The following SMARCC1 variants were observed in gnomAD, a reference collection of about 807,000 sequenced individuals.
SMARCC1 encodes the protein SWI/SNF complex subunit SMARCC1.
SMARCC1 carries 43 observed loss-of-function variants against 147.4 expected under a neutral mutation model. The observed-to-expected ratio is 0.29, with a 90% CI of 0.23 to 0.38. The LOEUF is 0.38. Ranked by LOEUF, SMARCC1 falls within the 10% of genes least tolerant of loss-of-function variation. SMARCC1 has a pLI of 1.00. For missense variants in SMARCC1, 1,119 were observed against 1,381.1 expected (o/e 0.81, Z 3.01); for synonymous variants, 495 against 484.4 (o/e 1.02, Z -0.29).
At chr3:47,694,614 C>CA (rs1292096495) in intron 11 of SMARCC1, among the ~76,000 whole-genome samples, 1 of 152,132 alleles carries the variant, frequency 6.6e-6, no homozygotes, top group Non-Finnish European at 1.5e-5. Flanking sequence ...ACAACAACAA[C>CA]AAAAAACCAC....
chr3:47,683,802 C>A (rs551504608), intron 14 of SMARCC1, among the ~76,000 whole-genome samples: 1 of 152,100 alleles, frequency 6.6e-6, no homozygotes, highest in African/African-American at 2.4e-5. Flanking sequence ...TGTAAAGGTA[C>A]CTTAAAGATG....
At chr3:47,711,207 C>T (rs1226470179) in intron 8 of SMARCC1, among the ~76,000 whole-genome samples, 3 of 152,256 alleles carry the variant, frequency 2.0e-5, no homozygotes, top group Non-Finnish European at 2.9e-5. Flanking sequence ...AGAGCACATT[C>T]GCAGAGGCCG....
chr3:47,638,629 T>G (rs12636863), intron 22 of SMARCC1, 96 bp downstream of exon 22: 1 of 796,044 alleles, frequency 1.3e-6, no homozygotes, highest in South Asian at 1.4e-5. Flanking sequence ...TAGAATTATT[T>G]AGAGTCCCCT....
rs138163124 is a variant in SMARCC1 at position 47,590,758 on chromosome 3, G to A, written c.3123C>T (p.Ile1041=). The A allele has an allele frequency of 2.7e-4, 436 of 1,604,518 alleles. 1 individual carries two copies. In the African/African-American group the frequency reaches 3.7e-3, roughly 14 times the overall value. Residue 1041 remains isoleucine (I), a synonymous_variant, in exon 27 of 28, where the codon ATC becomes ATT. Coordinates refer to ENST00000254480, the MANE Select transcript of SMARCC1 (RefSeq NM_003074.4). ...GGGTAGGGCCACTCCCAGAGGGGTG[G>A]ATGTTGGCTGCAACAGTGGGAATCA... is the stretch of plus-strand genomic sequence containing the variant. ...GRMIPTVAAN[I]HPSGSGPTPP... is the part of the protein sequence containing the mutation.
chr3:47,640,328 G>A (rs2106708649), intron 21 of SMARCC1, among the ~76,000 whole-genome samples: 1 of 152,026 alleles, frequency 6.6e-6, no homozygotes, highest in East Asian at 1.9e-4. Context: ...TCTTTCAAAT[G>A]ATGAATAAAA....
At chr3:47,617,113 C>G (rs913323377) in intron 25 of SMARCC1, among the ~76,000 whole-genome samples, 1 of 152,138 alleles carries the variant, frequency 6.6e-6, no homozygotes, top group Admixed American at 6.6e-5. Context: ...AATGAAATAG[C>G]AAAAGCTCAT....
intron 9 of SMARCC1, among the ~76,000 whole-genome samples, chr3:47,710,126 G>C (rs1275991360): frequency 2.6e-5 from 4 of 152,048 alleles, no homozygotes; most frequent in African/African-American, 7.2e-5. Flanking sequence ...AGACCAACCT[G>C]GCCAACATGG....
chr3:47,610,383 AT>A (rs1476228394), intron 25 of SMARCC1, 56 bp from the exon 26 acceptor site: 2 of 1,598,382 alleles, frequency 1.3e-6, no homozygotes, highest in African/African-American at 2.7e-5. Flanking sequence ...TCAGGATTGG[AT>A]AACACAAAGG....
chr3:47,588,315 A>G lies in SMARCC1; in HGVS notation c.3221-9T>C. 6.2e-7 allele frequency: 1 copy of G among 1,612,456 alleles called. No individual in the cohort carries two copies. The highest frequency in any genetic ancestry group is 8.5e-7 in the Non-Finnish European group (1 of 1,178,752). On this transcript the variant is annotated splice_polypyrimidine_tract_variant and intron_variant, in intron 27 of 27. Transcript: ENST00000254480. Reference sequence around the variant, plus strand: ...CTGTGGTGGAGGGGGATCTGCAAACATATCCAAGAGTAACTCGTTATTGCT... The same window carrying G: ...CTGTGGTGGAGGGGGATCTGCAAACGTATCCAAGAGTAACTCGTTATTGCT...
intron 18 of SMARCC1, among the ~76,000 whole-genome samples, chr3:47,672,398 G>T (rs2033512826): frequency 1.3e-5 from 2 of 152,088 alleles, no homozygotes; most frequent in Admixed American, 1.3e-4. Flanking sequence ...AGTAGAGACA[G>T]GGTTTCACCG....
intron 16 of SMARCC1, among the ~76,000 whole-genome samples, chr3:47,677,701 C>G (rs1037985171): frequency 1.3e-5 from 2 of 151,796 alleles, no homozygotes; most frequent in African/African-American, 4.8e-5. Flanking sequence ...TGCCACCACG[C>G]TTGGCTAATT....
chr3:47,729,804 A>G (rs2034346775), intron 5 of SMARCC1, among the ~76,000 whole-genome samples: 5 of 152,254 alleles, frequency 3.3e-5, no homozygotes, highest in Non-Finnish European at 7.3e-5. Flanking sequence ...AGCGTAACAC[A>G]GATACATCGT....
chr3:47,605,643 T>C (rs1399441402), intron 26 of SMARCC1, among the ~76,000 whole-genome samples: 1 of 152,108 alleles, frequency 6.6e-6, no homozygotes, highest in African/African-American at 2.4e-5. Flanking sequence ...TGTCGTGGTG[T>C]GCACTTGTGG....
chr3:47,745,583 CACGCCT>C (rs1424348308), intron 3 of SMARCC1, among the ~76,000 whole-genome samples: 2 of 151,750 alleles, frequency 1.3e-5, no homozygotes, highest in Admixed American at 1.3e-4. Context: ...CATGGTGGTG[CACGCCT>C]ACAGTCCCAG....
At chr3:47,772,783 G>A (rs770701997) in intron 2 of SMARCC1, 34 bp downstream of exon 2, 1 of 1,582,318 alleles carries the variant, frequency 6.3e-7, no homozygotes, top group Non-Finnish European at 8.6e-7. Flanking sequence ...CAGCAACTGA[G>A]GATGCCCAAA....
At chr3:47,746,479 A>C (rs2034564799) in intron 2 of SMARCC1, 1 of 152,342 alleles carries the variant, frequency 6.6e-6, no homozygotes, top group Non-Finnish European at 1.5e-5. Context: ...CTGAAGTGAA[A>C]CTACTTTCTT....
intron 3 of SMARCC1, among the ~76,000 whole-genome samples, chr3:47,738,327 A>G (rs79614644): frequency 0.01 from 1,545 of 152,348 alleles, 23 homozygotes; most frequent in African/African-American, 0.035. Flanking sequence ...TGAAGTATCA[A>G]TTCCATGACA....
intron 7 of SMARCC1, among the ~76,000 whole-genome samples, chr3:47,714,759 A>C (rs1004058595): frequency 6.6e-6 from 1 of 152,174 alleles, no homozygotes; most frequent in Non-Finnish European, 1.5e-5. Context: ...ACACCACTGC[A>C]CTTCAGTCTA....
At chr3:47,596,234 T>C (rs1422371358) in intron 26 of SMARCC1, among the ~76,000 whole-genome samples, 1 of 152,072 alleles carries the variant, frequency 6.6e-6, no homozygotes, top group Admixed American at 6.6e-5. Flanking sequence ...TTGAACCTAA[T>C]TTTCTGTGGG....
Sources: gnomAD v4.1 joint callset for allele counts (sites outside exome capture counted in the v4.1 genomes callset) on GRCh38, gnomAD v4.1.1 for gene constraint, MANE v1.5 for transcripts, NCBI Gene and HGNC (gene_info 2026-07-23, HGNC 2026-07-21) for gene names.